Variants in PLCB4 observed in about 807,000 individuals in gnomAD.
The protein encoded by PLCB4 is phospholipase C beta 4, also known as 1-phosphatidylinositol 4,5-bisphosphate phosphodiesterase beta-4.
In PLCB4, 77 loss-of-function variants were observed where a neutral mutation model predicts 178.8. That is an observed-to-expected ratio of 0.43 (90% CI 0.36 to 0.52). The LOEUF is 0.52. Among genes scored for constraint, PLCB4 ranks in the 20% least tolerant of loss-of-function variants. PLCB4 has a pLI of 0.00. For missense variants in PLCB4, 1,024 were observed against 1,453.4 expected, an observed-to-expected ratio of 0.70 and a Z score of 4.80; for synonymous variants, 496 against 490.8, an observed-to-expected ratio of 1.01 and a Z score of -0.14.
At chr20:9,223,083 G>A (rs2093819138) in intron 3 of PLCB4, among the ~76,000 whole-genome samples, 2 of 152,146 alleles carry the variant, frequency 1.3e-5, no homozygotes, top group Non-Finnish European at 2.9e-5. Flanking sequence ...TGAATGGAGG[G>A]TAGAAAGTAG....
At chr20:9,427,382 G>C (rs1476018802) in intron 28 of PLCB4, among the ~76,000 whole-genome samples, 2 of 149,082 alleles carry the variant, frequency 1.3e-5, no homozygotes, top group East Asian at 3.9e-4. Flanking sequence ...AAAAAAAAAA[G>C]TAACATTTAG....
intron 7 of PLCB4, among the ~76,000 whole-genome samples, chr20:9,359,727 C>G (rs1261695368): frequency 6.6e-6 from 1 of 152,156 alleles, no homozygotes; most frequent in Non-Finnish European, 1.5e-5. Flanking sequence ...GCTTCCTGGA[C>G]ACTATGTAGA....
chr20:9,401,995 A>G (rs2039062173), intron 20 of PLCB4, among the ~76,000 whole-genome samples: 2 of 152,210 alleles, frequency 1.3e-5, no homozygotes, highest in Non-Finnish European at 2.9e-5. Flanking sequence ...CCTTCCCCCT[A>G]AAGTACAGTA....
intron 38 of PLCB4, among the ~76,000 whole-genome samples, chr20:9,475,186 AAATT>A (rs2044464368): frequency 1.3e-5 from 2 of 152,212 alleles, no homozygotes; most frequent in South Asian, 2.1e-4. Flanking sequence ...AACTACTTGG[AAATT>A]AATTGTGTTG....
intron 2 of PLCB4, among the ~76,000 whole-genome samples, chr20:9,165,035 G>C (rs1008040422): frequency 6.6e-6 from 1 of 152,122 alleles, no homozygotes; most frequent in Non-Finnish European, 1.5e-5. Flanking sequence ...GCCTGCATCA[G>C]CATTTTGGCT....
At chr20:9,115,535 G>A (rs923610742) in intron 2 of PLCB4, among the ~76,000 whole-genome samples, 4 of 148,862 alleles carry the variant, frequency 2.7e-5, no homozygotes, top group Admixed American at 6.7e-5. Context: ...CCATTAACTC[G>A]TCATTTAACA....
intron 2 of PLCB4, among the ~76,000 whole-genome samples, chr20:9,096,788 GT>G (rs1467841004): frequency 1.3e-5 from 2 of 152,108 alleles, no homozygotes; most frequent in Non-Finnish European, 1.5e-5. Flanking sequence ...TGTGTGGATT[GT>G]GATTTGCTGC....
At chr20:9,235,715 C>G (rs2093985791) in intron 3 of PLCB4, among the ~76,000 whole-genome samples, 1 of 152,212 alleles carries the variant, frequency 6.6e-6, no homozygotes, top group South Asian at 2.1e-4. Flanking sequence ...TGGTTTACAT[C>G]AGGAAGTGAG....
chr20:9,114,588 C>T (rs975576107), intron 2 of PLCB4, among the ~76,000 whole-genome samples: 1 of 152,124 alleles, frequency 6.6e-6, no homozygotes, highest in Non-Finnish European at 1.5e-5. Context: ...AATTACTACT[C>T]AGCAAGGTAA....
In PLCB4 at chr20:9,480,270, C is replaced by T. The variant is rs1443202079; in HGVS notation, c.*1261C>T. 6.6e-6 allele frequency: 1 copy of T among 152,540 alleles called. No individual in the cohort carries two copies. The highest frequency in any genetic ancestry group is 1.5e-5 in the Non-Finnish European group (1 of 68,038). The allele number at this position is 152,540 out of a possible 1,614,324, so 9.4% of individuals were successfully genotyped here. A position where few individuals can be genotyped will look rare whatever the true frequency, so the allele number is the denominator to read the frequency against. On this transcript the variant is annotated 3_prime_UTR_variant, in exon 40 of 40. Coordinates refer to ENST00000378473, the MANE Select transcript of PLCB4 (RefSeq NM_001377142.1). Reference sequence around the variant, plus strand: ...TATTCCGCTGGGAATTGAGCCATGCCACCAAAGCCAAGAGGAGCGCATGGA... The same window carrying T: ...TATTCCGCTGGGAATTGAGCCATGCTACCAAAGCCAAGAGGAGCGCATGGA...
At chr20:9,215,798 C>T (rs935701249) in intron 2 of PLCB4, among the ~76,000 whole-genome samples, 2 of 152,060 alleles carry the variant, frequency 1.3e-5, no homozygotes, top group Non-Finnish European at 2.9e-5. Flanking sequence ...CCTCCAGATG[C>T]GTTATTTGTG....
At chr20:9,432,612 G>T (rs529923709) in intron 28 of PLCB4, among the ~76,000 whole-genome samples, 3 of 152,316 alleles carry the variant, frequency 2.0e-5, no homozygotes, top group Admixed American at 1.3e-4. Context: ...TAATGGTGTG[G>T]ACAAGTGGCA....
chr20:9,448,683 C>G (rs767029885), intron 32 of PLCB4, among the ~76,000 whole-genome samples: 65 of 151,160 alleles, frequency 4.3e-4, no homozygotes, highest in Non-Finnish European at 7.7e-4. Context: ...TGGCCCAAGA[C>G]AATTCTTTTT....
At chr20:9,192,819 A>G (rs534493755) in intron 2 of PLCB4, among the ~76,000 whole-genome samples, 1 of 152,010 alleles carries the variant, frequency 6.6e-6, no homozygotes. Flanking sequence ...AAGAAAAAAA[A>G]ATGTCAAGAC....
intron 25 of PLCB4, among the ~76,000 whole-genome samples, chr20:9,416,112 A>C (rs1217209870): frequency 6.6e-6 from 1 of 152,182 alleles, no homozygotes; most frequent in Non-Finnish European, 1.5e-5. Context: ...TCACCGGAGC[A>C]TGCCTGCTTT....
At chr20:9,470,936 T>G (rs1341346488) in intron 36 of PLCB4, among the ~76,000 whole-genome samples, 1 of 152,230 alleles carries the variant, frequency 6.6e-6, no homozygotes, top group East Asian at 1.9e-4. Context: ...GATAGTTATA[T>G]TCTAAACCCA....
Position 9,407,922 on chromosome 20 carries a change from G to C in PLCB4, c.1653G>C (p.Leu551=), listed in dbSNP as rs779291891. 278 of 1,612,072 alleles carry C rather than the reference G, an allele frequency of 1.7e-4. No individual in the cohort carries two copies. Among genetic ancestry groups the C allele is most frequent in the Non-Finnish European group, 2.3e-4 (273 of 1,179,300 alleles). Residue 551 remains leucine, a synonymous_variant, in exon 22 of 40, where the codon CTG becomes CTC. Transcript: ENST00000378473. ...DLEHENNKKG[L]VTVEDEQAWM... is the part of the protein sequence containing the mutation. The stretch of plus-strand genomic sequence containing the variant: ...TTTCTTCCTTGTGCTTGTAGGGCCT[G>C]GTCACTGTAGAAGATGAGCAGGCGT...
At chr20:9,136,133 C>G (rs993086544) in intron 2 of PLCB4, among the ~76,000 whole-genome samples, 5 of 152,148 alleles carry the variant, frequency 3.3e-5, no homozygotes, top group African/African-American at 1.2e-4. Flanking sequence ...CACACACACA[C>G]ACACCCCACA....
At chr20:9,386,179 G>A (rs1374451290) in intron 14 of PLCB4, among the ~76,000 whole-genome samples, 1 of 152,090 alleles carries the variant, frequency 6.6e-6, no homozygotes, top group African/African-American at 2.4e-5. Context: ...CGGAAGTCCG[G>A]GGCAGGGAGG....
Sources: allele counts gnomAD v4.1 joint callset (sites outside exome capture counted in the v4.1 genomes callset), GRCh38; gene constraint gnomAD v4.1.1; transcripts MANE v1.5; gene names NCBI Gene and HGNC (gene_info 2026-07-23, HGNC 2026-07-21).